Variants in MYH14 observed in about 807,000 individuals in gnomAD.
MYH14 encodes the protein myosin-14.
MYH14 carries 123 observed loss-of-function variants against 255.5 expected under a neutral mutation model. That is an observed-to-expected ratio of 0.48 (90% CI 0.42 to 0.56). MYH14 has a LOEUF of 0.56. MYH14 is among the 20% of genes least tolerant of loss of function. MYH14 has a pLI of 0.00. For missense variants in MYH14, 2,423 were observed against 2,802.3 expected (o/e 0.86, Z 3.06); for synonymous variants, 1,095 against 1,161.2 (o/e 0.94, Z 1.16).
At chr19:50,275,743 T>C (rs538630160) in intron 27 of MYH14, among the ~76,000 whole-genome samples, 3 of 152,340 alleles carry the variant, frequency 2.0e-5, no homozygotes, top group Admixed American at 2.0e-4. Context: ...GGAGGATCAC[T>C]TGAGCCCAGG....
intron 17 of MYH14, among the ~76,000 whole-genome samples, chr19:50,256,800 C>T (rs1223414865): frequency 6.6e-6 from 1 of 151,950 alleles, no homozygotes; most frequent in Non-Finnish European, 1.5e-5. Context: ...GTTTCAGATT[C>T]CTAAAATGCA....
chr19:50,233,772 T>C (rs2033522365), intron 10 of MYH14, among the ~76,000 whole-genome samples: 1 of 151,570 alleles, frequency 6.6e-6, no homozygotes, highest in Admixed American at 6.6e-5. Context: ...GGCGGCTCCC[T>C]GTGTGTGCAT....
intron 12 of MYH14, among the ~76,000 whole-genome samples, chr19:50,247,635 G>A (rs1384921678): frequency 6.6e-6 from 1 of 152,294 alleles, no homozygotes; most frequent in Non-Finnish European, 1.5e-5. Flanking sequence ...GGGAGGTTTT[G>A]TTGGTCAGGA....
intron 30 of MYH14, among the ~76,000 whole-genome samples, chr19:50,279,386 C>G (rs554181255): frequency 1.3e-5 from 2 of 152,296 alleles, no homozygotes; most frequent in East Asian, 3.9e-4. Context: ...AATCCCAGCA[C>G]TTTGGCAGCG....
At chr19:50,301,087 G>A (rs540722557) in intron 39 of MYH14, among the ~76,000 whole-genome samples, 6 of 152,266 alleles carry the variant, frequency 3.9e-5, no homozygotes, top group African/African-American at 1.2e-4. Context: ...CTCAGAGTAC[G>A]AGCTGAATAA....
At chr19:50,214,491 C>T (rs2032365485) in intron 2 of MYH14, among the ~76,000 whole-genome samples, 1 of 152,046 alleles carries the variant, frequency 6.6e-6, no homozygotes, top group African/African-American at 2.4e-5. Flanking sequence ...GGAGGGAACC[C>T]CTTCGTAGAA....
chr19:50,272,525 G>T lies in MYH14; in HGVS notation c.3296-35G>T. ...GAGAGCGGCTGAGTGTGCAGGCCTG[G>T]AGTCCTCATGCACGGCCCCCACCCC... On this transcript the variant is annotated intron_variant, in intron 26 of 42. Transcript: ENST00000642316. 1.3e-6 allele frequency: 2 copies of T among 1,552,510 alleles called. 1 individual carries two copies. The highest frequency in any genetic ancestry group is 2.4e-5 in the South Asian group (2 of 84,070).
chr19:50,210,628 G>C lies in MYH14; in HGVS notation c.263G>C (p.Arg88Pro). 1 of 1,570,004 alleles carries C rather than the reference G, an allele frequency of 6.4e-7. No homozygotes were observed. The highest frequency in any genetic ancestry group is 8.6e-7 in the Non-Finnish European group (1 of 1,158,856). The stretch of plus-strand genomic sequence containing the variant: ...GTGGAGCTGGCGGAGAGCGGGAGGC[G>C]GCTGCGACTGCCGCGGGACCAGATC... ...AEVELAESGR[R>P]LRLPRDQIQR... Residue 88 changes from arginine (R) to proline (P), a missense_variant, in exon 2 of 43, where the codon CGG (arginine) becomes CCG (proline). Transcript: ENST00000642316.
intron 36 of MYH14, among the ~76,000 whole-genome samples, 160 bp downstream of exon 36, chr19:50,291,208 G>A (rs961435466): frequency 1.3e-5 from 2 of 152,042 alleles, no homozygotes; most frequent in South Asian, 2.1e-4. Context: ...CCAGAGGCTG[G>A]CTTCCTTCTT....
chr19:50,207,822 C>T (rs2031897372), intron 1 of MYH14, among the ~76,000 whole-genome samples: 1 of 152,116 alleles, frequency 6.6e-6, no homozygotes, highest in Non-Finnish European at 1.5e-5. Context: ...CCTTTTGTCC[C>T]CTCTCTTACA....
rs1390004080 is a variant in MYH14 at position 50,289,419 on chromosome 19, G to A, written c.4753-17G>A. 6.3e-7 allele frequency: 1 copy of A among 1,593,792 alleles called. No individual in the cohort carries two copies. Among genetic ancestry groups the A allele is most frequent in the Non-Finnish European group, 8.5e-7 (1 of 1,170,854 alleles). ...GCCTCAGTGACCCAGGTACCCAGCA[G>A]CTACTCTCCCCACCAGGTGCATGAG... On this transcript the variant is annotated splice_polypyrimidine_tract_variant and intron_variant, in intron 34 of 42. Transcript: ENST00000642316.
At position 50,244,303 on chromosome 19, in the gene MYH14, G is replaced by T; in HGVS notation, c.1176G>T (p.Arg392=). The change falls in exon 11 of 43, where the codon CGG becomes CGT. Residue 392 remains arginine, a synonymous_variant. Transcript: ENST00000642316. ...QFGNIALKRE[R]NTDQATMPDN... ...GCAACATTGCCTTGAAGAGAGAACGGAACACCGATCAAGCCACCATGCCTG... is the reference window on the plus strand; with the variant it reads ...GCAACATTGCCTTGAAGAGAGAACGTAACACCGATCAAGCCACCATGCCTG... 6.2e-7 allele frequency: 1 copy of T among 1,613,716 alleles called. No homozygotes were observed. Among genetic ancestry groups the T allele is most frequent in the East Asian group, 2.2e-5 (1 of 44,848 alleles).
intron 39 of MYH14, among the ~76,000 whole-genome samples, chr19:50,299,677 G>T: frequency 6.6e-6 from 1 of 151,940 alleles, no homozygotes; most frequent in South Asian, 2.1e-4. Flanking sequence ...GGGCGTGATG[G>T]CTCACGCCTA....
Position 50,309,669 on chromosome 19 carries a change from C to G in MYH14, c.5990C>G (p.Thr1997Arg), listed in dbSNP as rs201986144. The G allele has an allele frequency of 1.1e-5, 17 of 1,610,930 alleles. No individual in the cohort carries two copies. Among genetic ancestry groups the G allele is most frequent in the South Asian group, 5.5e-5 (5 of 90,234 alleles). Residue 1997 changes from threonine (T) to arginine (R), a missense_variant, in exon 43 of 43, where the codon ACG becomes AGG. Around this residue, in one of 3 missense-constraint regions of MYH14, gnomAD observed 1,513 missense variants for 1,674.8 expected, o/e 0.90. Coordinates refer to ENST00000642316, the MANE Select transcript of MYH14 (RefSeq NM_001145809.2). The part of the protein sequence containing the change: ...RRGPLTFTTR[T>R]VRQVFRLEEG... ...GGCCCCCTCACCTTCACCACCCGCA[C>G]GGTGCGCCAGGTCTTCCGACTAGAG...
At position 50,217,701 on chromosome 19, in the gene MYH14, C is replaced by T; in HGVS notation, c.492C>T (p.Gly164=). 1.2e-6 allele frequency: 2 copies of T among 1,614,004 alleles called. No individual in the cohort carries two copies. The highest frequency in any genetic ancestry group is 1.7e-6 in the Non-Finnish European group (2 of 1,179,894). ...AAGCCATTGTGGAGATGTACCGGGG[C>T]AAGAAGCGCCACGAGGTGCCACCCC... The part of the protein sequence containing the change: ...YTEAIVEMYR[G]KKRHEVPPHV... The change falls in exon 3 of 43, where the codon GGC becomes GGT. Residue 164 remains glycine, a synonymous_variant. Transcript: ENST00000642316.
chr19:50,263,473 G>C, intron 22 of MYH14, 53 bp downstream of exon 22: 1 of 1,305,262 alleles, frequency 7.7e-7, no homozygotes, highest in Non-Finnish European at 1.1e-6. Context: ...GGGCCTTGGG[G>C]CTTGGTCTGC....
Position 50,301,832 on chromosome 19 carries a change from T to G in MYH14, c.5641T>G (p.Leu1881Val). The G allele has an allele frequency of 6.2e-7, 1 of 1,613,642 alleles. No individual in the cohort carries two copies. Among genetic ancestry groups the G allele is most frequent in the South Asian group, 1.1e-5 (1 of 91,006 alleles). ...GACCATTGCTGCCCTTGAGTCTAAG[T>G]TGGCCCAGGCTGAGGAGCAGCTAGA... ...KMTIAALESK[L>V]AQAEEQLEQE... Residue 1881 changes from leucine (L) to valine (V), a missense_variant, in exon 40 of 43, where the codon TTG becomes GTG. Around this residue, in one of 3 missense-constraint regions of MYH14, gnomAD observed 1,513 missense variants for 1,674.8 expected, o/e 0.90. Transcript: ENST00000642316.
At chr19:50,227,506 A>C (rs1348200963) in intron 8 of MYH14, among the ~76,000 whole-genome samples, 1 of 152,118 alleles carries the variant, frequency 6.6e-6, no homozygotes, top group Non-Finnish European at 1.5e-5. Context: ...CCGGGAGGAA[A>C]GCAGGTGATC....
intron 10 of MYH14, among the ~76,000 whole-genome samples, chr19:50,233,062 A>G (rs1047739217): frequency 6.6e-6 from 1 of 152,168 alleles, no homozygotes; most frequent in Non-Finnish European, 1.5e-5. Context: ...GGGAAGGCTC[A>G]GGACGCTGTC....
Sources: allele counts gnomAD v4.1 joint callset (sites outside exome capture counted in the v4.1 genomes callset), GRCh38; gene constraint gnomAD v4.1.1; regional missense constraint gnomAD v4.1.1; transcripts MANE v1.5; gene names NCBI Gene and HGNC (gene_info 2026-07-23, HGNC 2026-07-21).